The following GRHL2 variants were observed in gnomAD, a reference collection of about 807,000 sequenced individuals.
GRHL2 encodes the protein grainyhead-like protein 2 homolog.
In GRHL2, 21 loss-of-function variants were observed where a neutral mutation model predicts 83.8. The observed-to-expected ratio is 0.25, with a 90% CI of 0.18 to 0.36. The LOEUF (loss-of-function observed/expected upper bound fraction) is 0.36, where lower values mean the gene tolerates loss of function less well. Ranked by LOEUF, GRHL2 falls within the 10% of genes least tolerant of loss-of-function variation. The probability of loss-of-function intolerance (pLI) is 1.00; values close to 1 mark genes in which losing one functional copy is unlikely to be tolerated. For synonymous variants in GRHL2, 280 were observed against 278.9 expected (o/e 1.00, Z -0.04); for missense variants, 623 against 781.8 (o/e 0.80, Z 2.42).
intron 11 of GRHL2, among the ~76,000 whole-genome samples, chr8:101,636,357 C>T (rs1374023783): frequency 1.3e-5 from 2 of 152,106 alleles, no homozygotes; most frequent in African/African-American, 2.4e-5. Context: ...TCTGTGGTTG[C>T]GGGATGCCAG....
intron 4 of GRHL2, among the ~76,000 whole-genome samples, chr8:101,568,511 CT>C (rs1055541602): frequency 1.4e-4 from 21 of 152,250 alleles, no homozygotes; most frequent in Non-Finnish European, 2.8e-4. Context: ...CCAGTCCATG[CT>C]TTTCCAGTCA....
In GRHL2 at chr8:101,631,750, C is replaced by T. The variant is rs116356794; in HGVS notation, c.1345+26C>T. 4,225 of 1,586,316 alleles carry T rather than the reference C, an allele frequency of 2.7e-3. 105 individuals are homozygous for T. The African/African-American group carries it at 0.051, about 19-fold the overall frequency. On this transcript the variant is annotated intron_variant, in intron 10 of 15. Coordinates refer to ENST00000646743, the MANE Select transcript of GRHL2 (RefSeq NM_024915.4). Reference sequence around the variant, plus strand: ...GTGAGTTTCACTGAGACTAATGTTGCTTTCTAAAGACTCCAGGTGGGCTGT... The same window carrying T: ...GTGAGTTTCACTGAGACTAATGTTGTTTTCTAAAGACTCCAGGTGGGCTGT...
chr8:101,558,782 C>T lies in GRHL2; in HGVS notation c.648C>T (p.Tyr216=). 1 of 1,614,138 alleles carries T rather than the reference C, an allele frequency of 6.2e-7. No individual in the cohort carries two copies. The highest frequency in any genetic ancestry group is 1.7e-5 in the Admixed American group (1 of 60,026). ...AGCGCAGCACTCCGGACAGCACATA[C>T]AGCGAGAGCTTCAAGGACGCAGCCA... ...DDQRSTPDST[Y]SESFKDAATE... The change falls in exon 4 of 16, where the codon TAC becomes TAT. Residue 216 remains tyrosine, a synonymous_variant. Coordinates refer to ENST00000646743, the MANE Select transcript of GRHL2 (RefSeq NM_024915.4).
At chr8:101,604,673 A>C (rs554829870) in intron 8 of GRHL2, among the ~76,000 whole-genome samples, 75 of 152,178 alleles carry the variant, frequency 4.9e-4, no homozygotes, top group Non-Finnish European at 8.1e-4. Flanking sequence ...ATTATACATA[A>C]GATTAAAAAA....
At chr8:101,633,358 AG>A (rs1180603109) in intron 11 of GRHL2, among the ~76,000 whole-genome samples, 2 of 152,196 alleles carry the variant, frequency 1.3e-5, no homozygotes, top group Non-Finnish European at 2.9e-5. Flanking sequence ...ATCTGTTTTG[AG>A]AAACAGGAGC....
intron 14 of GRHL2, 122 bp from the exon 15 acceptor site, chr8:101,664,332 C>T: frequency 1.4e-6 from 1 of 691,032 alleles, no homozygotes; most frequent in Non-Finnish European, 2.6e-6. Flanking sequence ...GAGTTCGACT[C>T]ATGAGTGAAG....
rs73701933 is a variant in GRHL2 at position 101,578,737 on chromosome 8, A to G, written c.1003+1218A>G. ...ATGAAAAGGTATTACTGAGCCTTGC[A>G]AAGGACAATTACTTTGATTTCTTAC... On this transcript the variant is annotated intron_variant, in intron 7 of 15. Coordinates refer to ENST00000646743, the MANE Select transcript of GRHL2 (RefSeq NM_024915.4). Among the ~76,000 whole-genome samples the G allele has an allele frequency of 4.6e-3, 701 of 152,282 alleles. 10 individuals are homozygous for G. The highest frequency in any genetic ancestry group is 0.016 in the African/African-American group (665 of 41,544).
chr8:101,554,551 C>T (rs1273881502), intron 3 of GRHL2, among the ~76,000 whole-genome samples: 1 of 152,100 alleles, frequency 6.6e-6, no homozygotes, highest in Non-Finnish European at 1.5e-5. Context: ...GAAGTATAGA[C>T]TAAACTACCT....
Position 101,666,879 on chromosome 8 carries a change from T to A in GRHL2, c.*176T>A. 1.5e-6 allele frequency: 1 copy of A among 665,530 alleles called. No homozygotes were observed. The allele number at this position is 665,530 out of a possible 1,614,324, so 41.2% of individuals were successfully genotyped here. A position where few individuals can be genotyped will look rare whatever the true frequency, so the allele number is the denominator to read the frequency against. ...CCCCACTGTCGGTGTGCTTGGCCCA[T>A]CCACTGGCACCTACCACGGAGCTGA... On this transcript the variant is annotated 3_prime_UTR_variant, in exon 16 of 16. Coordinates refer to ENST00000646743, the MANE Select transcript of GRHL2 (RefSeq NM_024915.4).
intron 8 of GRHL2, among the ~76,000 whole-genome samples, chr8:101,613,267 C>A (rs952962393): frequency 1.3e-5 from 2 of 150,612 alleles, no homozygotes; most frequent in South Asian, 2.1e-4. Context: ...ACATACATAA[C>A]CGCAGAATTG....
chr8:101,662,112 T>C (rs1247261098), intron 14 of GRHL2, among the ~76,000 whole-genome samples: 1 of 152,236 alleles, frequency 6.6e-6, no homozygotes, highest in Non-Finnish European at 1.5e-5. Context: ...TATCAGAATT[T>C]TGCATGCGTG....
chr8:101,573,709 G>C lies in GRHL2; in HGVS notation c.776G>C (p.Arg259Pro). Residue 259 changes from arginine to proline, a missense_variant, in exon 6 of 16, where the codon CGT becomes CCT. Physicochemically the swap from Arg to Pro is moderately radical, Grantham distance 103 (BLOSUM62 -2). Around this residue, in one of 8 missense-constraint regions of GRHL2, gnomAD observed 239 missense variants for 240.5 expected, o/e 0.99. Coordinates refer to ENST00000646743, the MANE Select transcript of GRHL2 (RefSeq NM_024915.4). ...ACCCTGGAAGCCACCAAATCTCTCCGTCAGAAGCAGGGGGAGGGCCCCATG... is the reference window on the plus strand; with the variant it reads ...ACCCTGGAAGCCACCAAATCTCTCCCTCAGAAGCAGGGGGAGGGCCCCATG... The part of the protein sequence containing the change: ...QYTLEATKSL[R>P]QKQGEGPMTY... The C allele has an allele frequency of 6.2e-7, 1 of 1,614,134 alleles. No homozygotes were observed. Among genetic ancestry groups the C allele is most frequent in the Non-Finnish European group, 8.5e-7 (1 of 1,180,030 alleles).
intron 7 of GRHL2, among the ~76,000 whole-genome samples, chr8:101,580,507 G>A (rs867800497): frequency 1.9e-4 from 27 of 141,482 alleles, no homozygotes; most frequent in African/African-American, 4.4e-4. Context: ...TGCCTGCCTC[G>A]GCCTCCCAAA....
chr8:101,640,039 G>C (rs117546914), intron 12 of GRHL2, among the ~76,000 whole-genome samples: 1 of 152,232 alleles, frequency 6.6e-6, no homozygotes, highest in Non-Finnish European at 1.5e-5. Flanking sequence ...CAGTCTGGTA[G>C]GCAGGGGATA....
chr8:101,540,742 A>T (rs1288507558), intron 1 of GRHL2, among the ~76,000 whole-genome samples: 1 of 152,126 alleles, frequency 6.6e-6, no homozygotes. Context: ...ACCATCTACC[A>T]TTAGGAGATC....
chr8:101,513,606 T>A (rs1810510457), intron 1 of GRHL2, among the ~76,000 whole-genome samples: 1 of 147,644 alleles, frequency 6.8e-6, no homozygotes, highest in African/African-American at 2.5e-5. Flanking sequence ...ATGATTCTCC[T>A]GTCTCAGCCT....
the GRHL2 span, among the ~76,000 whole-genome samples, chr8:101,677,580 A>C: frequency 6.6e-6 from 1 of 152,080 alleles, no homozygotes; most frequent in Non-Finnish European, 1.5e-5. Context: ...CTTCATGAGG[A>C]TTATGTATTG....
At chr8:101,657,418 A>T (rs1021007269) in intron 14 of GRHL2, among the ~76,000 whole-genome samples, 2 of 152,210 alleles carry the variant, frequency 1.3e-5, no homozygotes, top group Admixed American at 6.5e-5. Context: ...TATTGATGAG[A>T]TATCTCCAAG....
chr8:101,638,043 G>A (rs1320940356), intron 12 of GRHL2, among the ~76,000 whole-genome samples: 4 of 152,064 alleles, frequency 2.6e-5, no homozygotes, highest in Non-Finnish European at 4.4e-5. Flanking sequence ...TTCTTCTTAG[G>A]ACCTGGATGC....
Sources: gnomAD v4.1 joint callset for allele counts (sites outside exome capture counted in the v4.1 genomes callset) on GRCh38, gnomAD v4.1.1 for gene constraint, gnomAD v4.1.1 regional missense constraint, MANE v1.5 for transcripts, NCBI Gene and HGNC (gene_info 2026-07-23, HGNC 2026-07-21) for gene names.